The following PTPRG variants were observed in gnomAD, a reference collection of about 807,000 sequenced individuals.
PTPRG encodes receptor-type tyrosine-protein phosphatase gamma.
A neutral mutation model predicts 165.3 loss-of-function variants in PTPRG; 102 were observed. The observed-to-expected ratio is 0.62, with a 90% confidence interval of 0.53 to 0.73. The LOEUF (loss-of-function observed/expected upper bound fraction) is 0.73, where lower values mean the gene tolerates loss of function less well. Ranked by LOEUF, PTPRG falls within the 30% of genes least tolerant of loss-of-function variation. The pLI is 0.00. For missense variants in PTPRG, 1,866 were observed against 1,861.4 expected (o/e 1.00, Z -0.05); for synonymous variants, 675 against 669.5 (o/e 1.01, Z -0.13).
At chr3:62,132,294 G>A (rs1169129248) in intron 5 of PTPRG, among the ~76,000 whole-genome samples, 1 of 152,106 alleles carries the variant, frequency 6.6e-6, no homozygotes, top group African/African-American at 2.4e-5. Flanking sequence ...AGCCGATTGG[G>A]CCTACTTTTA....
chr3:61,793,753 T>G (rs952060255), intron 2 of PTPRG, among the ~76,000 whole-genome samples: 1 of 151,884 alleles, frequency 6.6e-6, no homozygotes, highest in African/African-American at 2.4e-5. Flanking sequence ...CTTGTTGTTG[T>G]TTTTTTTCTG....
At chr3:61,604,753 C>G (rs976711374) in intron 1 of PTPRG, among the ~76,000 whole-genome samples, 5 of 151,906 alleles carry the variant, frequency 3.3e-5, no homozygotes, top group African/African-American at 1.2e-4. Context: ...TTTTTTCCCC[C>G]TAGAACCCTA....
At chr3:62,011,370 G>A (rs1047081953) in intron 4 of PTPRG, among the ~76,000 whole-genome samples, 81 of 152,120 alleles carry the variant, frequency 5.3e-4, no homozygotes, top group African/African-American at 1.9e-3. Context: ...TCCTTTCATA[G>A]AGTCTCTGAA....
chr3:61,852,965 A>G (rs1381941956), intron 2 of PTPRG, among the ~76,000 whole-genome samples: 1 of 152,218 alleles, frequency 6.6e-6, no homozygotes, highest in East Asian at 1.9e-4. Flanking sequence ...CCTACCTGAC[A>G]TCCATGTCCC....
chr3:61,959,826 C>T (rs1274767814), intron 2 of PTPRG, among the ~76,000 whole-genome samples: 1 of 152,234 alleles, frequency 6.6e-6, no homozygotes, highest in Admixed American at 6.5e-5. Flanking sequence ...TCCTGGACCA[C>T]TAAAGCCCAG....
chr3:61,772,083 A>T (rs959315406), intron 2 of PTPRG, among the ~76,000 whole-genome samples: 1 of 150,224 alleles, frequency 6.7e-6, no homozygotes, highest in Non-Finnish European at 1.5e-5. Flanking sequence ...AAAAAAAAAA[A>T]GAATGAATGA....
chr3:62,022,880 G>C (rs1320841523), intron 4 of PTPRG, among the ~76,000 whole-genome samples: 1 of 151,974 alleles, frequency 6.6e-6, no homozygotes, highest in East Asian at 1.9e-4. Flanking sequence ...ATAAAAATTG[G>C]TAATTGATTT....
chr3:61,835,112 A>G (rs1450148032), intron 2 of PTPRG, among the ~76,000 whole-genome samples: 2 of 152,206 alleles, frequency 1.3e-5, no homozygotes, highest in African/African-American at 2.4e-5. Flanking sequence ...AGGATTATTT[A>G]TACTTGTATT....
intron 1 of PTPRG, among the ~76,000 whole-genome samples, chr3:61,589,502 A>C (rs968856094): frequency 1.3e-5 from 2 of 152,210 alleles, no homozygotes; most frequent in Admixed American, 6.5e-5. Flanking sequence ...GCTCACAGAA[A>C]AATTTCCCCC....
chr3:61,903,355 A>C (rs1273839265), intron 2 of PTPRG, among the ~76,000 whole-genome samples: 1 of 152,166 alleles, frequency 6.6e-6, no homozygotes, highest in Admixed American at 6.6e-5. Flanking sequence ...TACTGCAGTC[A>C]CGTGGCTATT....
chr3:61,726,920 G>A (rs4688270), intron 1 of PTPRG, among the ~76,000 whole-genome samples: 39,848 of 151,910 alleles, frequency 0.26, 6,004 homozygotes, highest in East Asian at 0.7. Context: ...GGTGGCGGGC[G>A]TCTGTAGGCC....
intron 2 of PTPRG, among the ~76,000 whole-genome samples, chr3:61,937,949 T>TTTC (rs1553693799): frequency 8.6e-5 from 13 of 151,164 alleles, no homozygotes; most frequent in African/African-American, 3.2e-4. Context: ...TTTTTTTTTT[T>TTTC]CCCCCTTCAG....
intron 1 of PTPRG, among the ~76,000 whole-genome samples, chr3:61,574,340 C>T (rs750816390): frequency 6.6e-6 from 1 of 152,174 alleles, no homozygotes; most frequent in Non-Finnish European, 1.5e-5. Flanking sequence ...ATCTACTGCC[C>T]TTGATGAGAC....
intron 1 of PTPRG, among the ~76,000 whole-genome samples, chr3:61,573,839 T>A (rs372313499): frequency 6.6e-5 from 10 of 152,316 alleles, no homozygotes; most frequent in African/African-American, 2.2e-4. Context: ...GTTAATATCT[T>A]CCTTAAGAGA....
intron 1 of PTPRG, among the ~76,000 whole-genome samples, chr3:61,648,786 T>C (rs1559539606): frequency 6.6e-6 from 1 of 152,244 alleles, no homozygotes; most frequent in African/African-American, 2.4e-5. Context: ...GAGAATGTTT[T>C]CTGTGCTCCG....
chr3:62,050,605 T>C (rs1700441410), intron 4 of PTPRG, among the ~76,000 whole-genome samples: 1 of 152,230 alleles, frequency 6.6e-6, no homozygotes, highest in African/African-American at 2.4e-5. Flanking sequence ...GGATATCAAG[T>C]GCTTGGTACA....
chr3:61,613,348 G>T (rs572374858), intron 1 of PTPRG, among the ~76,000 whole-genome samples: 26 of 152,246 alleles, frequency 1.7e-4, no homozygotes, highest in African/African-American at 6.3e-4. Flanking sequence ...AAAGCATCAG[G>T]ATTGCTTCAA....
chr3:62,122,449 A>G (rs1341246221), intron 5 of PTPRG, among the ~76,000 whole-genome samples: 2 of 152,338 alleles, frequency 1.3e-5, no homozygotes, highest in Non-Finnish European at 2.9e-5. Context: ...CAGTGCTCCA[A>G]GAAAGCACAG....
chr3:61,822,102 C>T (rs1474694744), intron 2 of PTPRG, among the ~76,000 whole-genome samples: 25 of 152,200 alleles, frequency 1.6e-4, no homozygotes, highest in Admixed American at 1.5e-3. Context: ...GAGAATCTCT[C>T]TTTTCTGACC....
Sources: gnomAD v4.1 joint callset for allele counts (sites outside exome capture counted in the v4.1 genomes callset) on GRCh38, gnomAD v4.1.1 for gene constraint, MANE v1.5 for transcripts, NCBI Gene and HGNC (gene_info 2026-07-23, HGNC 2026-07-21) for gene names.